MECOM: variants seen among roughly 807,000 people sequenced by gnomAD.
MECOM encodes the protein MDS1 and EVI1 complex locus.
Under a neutral mutation model 116.3 loss-of-function variants are expected in MECOM, and 13 were observed. The ratio of observed to expected loss-of-function variants is 0.11; its 90% confidence interval spans 0.07 to 0.18. The LOEUF (loss-of-function observed/expected upper bound fraction) is 0.18. MECOM is among the 10% of genes least tolerant of loss of function. The pLI is 1.00. For missense variants in MECOM, 1,299 were observed against 1,509.0 expected, an observed-to-expected ratio of 0.86 and a Z score of 2.31; for synonymous variants, 528 against 535.2, an observed-to-expected ratio of 0.99 and a Z score of 0.19.
Position 169,085,597 on chromosome 3 carries a change from C to A in MECOM, c.3586-554G>T, listed in dbSNP as rs1480206930. Among the ~76,000 whole-genome samples the A allele has an allele frequency of 2.6e-5, 4 of 152,280 alleles. No homozygotes were observed. In the East Asian group the frequency reaches 7.7e-4, roughly 29 times the overall value. On this transcript the variant is annotated intron_variant, in intron 16 of 16. Coordinates refer to ENST00000651503, the MANE Select transcript of MECOM (RefSeq NM_004991.4). ...TTCTGCCCAACTTTTAATCCATTGTCTTTTCTCCAATTTCCCTCCATGCTT... is the reference window on the plus strand; with the variant it reads ...TTCTGCCCAACTTTTAATCCATTGTATTTTCTCCAATTTCCCTCCATGCTT...
chr3:169,101,743 A>C (rs1723613958), intron 11 of MECOM, among the ~76,000 whole-genome samples: 1 of 152,224 alleles, frequency 6.6e-6, no homozygotes, highest in African/African-American at 2.4e-5. Flanking sequence ...GGACAGTAGT[A>C]GTATACCTTT....
chr3:169,534,407 C>A (rs1341452100), intron 1 of MECOM, among the ~76,000 whole-genome samples: 1 of 152,140 alleles, frequency 6.6e-6, no homozygotes, highest in Non-Finnish European at 1.5e-5. Context: ...TACTGATTTT[C>A]CCAGGACAGT....
In MECOM at chr3:169,092,949, C is replaced by T. The variant is rs1720245026; in HGVS notation, c.3164+9G>A. 1 of 1,613,140 alleles carries T rather than the reference C, an allele frequency of 6.2e-7. No homozygotes were observed. The highest frequency in any genetic ancestry group is 1.3e-5 in the African/African-American group (1 of 74,638). On this transcript the variant is annotated intron_variant, in intron 14 of 16. Coordinates refer to ENST00000651503, the MANE Select transcript of MECOM (RefSeq NM_004991.4). ...GTCACAGAGTTTAAAAAGTAAAAGA[C>T]AGCTTTACCTCTCCTCCACATTCCT...
rs34061227 is a variant in MECOM at position 169,563,064 on chromosome 3, CAAAAAAA to C, written c.37+100265_37+100271del. Among the ~76,000 whole-genome samples, 128 of 79,454 alleles carry C rather than the reference CAAAAAAA, an allele frequency of 1.6e-3. 1 individual carries two copies. Among genetic ancestry groups the C allele is most frequent in the African/African-American group, 5.1e-3 (105 of 20,520 alleles). The allele number at this position is 79,454 out of a possible 152,430, so 52.1% of individuals were successfully genotyped here. ...GGGTGACAAGAAAAAAGCTCCATCT[CAAAAAAA>C]AAAAAAAAAAAAATGCTGATAAGGA... On this transcript the variant is annotated intron_variant, in intron 1 of 16. Coordinates refer to ENST00000651503, the MANE Select transcript of MECOM (RefSeq NM_004991.4).
intron 2 of MECOM, among the ~76,000 whole-genome samples, chr3:169,232,438 A>C (rs553984210): frequency 9.9e-5 from 3 of 30,316 alleles, no homozygotes; most frequent in African/African-American, 5.0e-4. Flanking sequence ...ATCTTAAAAA[A>C]GAAAAAAAAA....
chr3:169,358,677 G>T (rs1034563), intron 2 of MECOM, among the ~76,000 whole-genome samples: 12 of 151,420 alleles, frequency 7.9e-5, no homozygotes, highest in Non-Finnish European at 1.6e-4. Flanking sequence ...GGGCCTCCTA[G>T]GGAGGAAGAA....
intron 2 of MECOM, among the ~76,000 whole-genome samples, chr3:169,358,671 C>T (rs1168824902): frequency 1.3e-5 from 2 of 151,588 alleles, no homozygotes; most frequent in Non-Finnish European, 3.0e-5. Flanking sequence ...GCTTAAGGGC[C>T]TCCTAGGGAG....
At position 169,283,150 on chromosome 3, in the gene MECOM, G is replaced by A. The variant is rs184170792; in HGVS notation, c.375+98037C>T. On this transcript the variant is annotated intron_variant, in intron 2 of 16. Coordinates refer to ENST00000651503, the MANE Select transcript of MECOM (RefSeq NM_004991.4). ...AGAATATAATAGATGTTCAGTAAAT[G>A]ATTACAGAATTTAGGGAGAAAGGGA... is the stretch of plus-strand genomic sequence containing the variant. 1.6e-3 allele frequency among the ~76,000 whole-genome samples: 244 copies of A among 152,230 alleles called. 2 individuals are homozygous for A. Among genetic ancestry groups the A allele is most frequent in the African/African-American group, 5.8e-3 (240 of 41,536 alleles).
intron 1 of MECOM, among the ~76,000 whole-genome samples, chr3:169,657,302 G>A (rs1462712897): frequency 6.6e-6 from 1 of 152,146 alleles, no homozygotes; most frequent in Non-Finnish European, 1.5e-5. Context: ...ATCCCTCTAG[G>A]TAACCCCTAC....
intron 1 of MECOM, among the ~76,000 whole-genome samples, chr3:169,408,152 T>C (rs1443280025): frequency 6.6e-6 from 1 of 152,188 alleles, no homozygotes; most frequent in Non-Finnish European, 1.5e-5. Flanking sequence ...ATCTTTGCTA[T>C]TGAACGAGGA....
At chr3:169,655,973 G>A (rs1172450982) in intron 1 of MECOM, among the ~76,000 whole-genome samples, 1 of 152,184 alleles carries the variant, frequency 6.6e-6, no homozygotes, top group Non-Finnish European at 1.5e-5. Flanking sequence ...GGCCTCAGAG[G>A]CATTCAATAA....
At chr3:169,342,110 A>G (rs1296122030) in intron 2 of MECOM, among the ~76,000 whole-genome samples, 3 of 152,128 alleles carry the variant, frequency 2.0e-5, no homozygotes, top group African/African-American at 7.2e-5. Flanking sequence ...TAATTTTTAA[A>G]TTATCTTAGT....
chr3:169,178,409 G>C (rs746735214), intron 2 of MECOM, among the ~76,000 whole-genome samples: 14 of 152,146 alleles, frequency 9.2e-5, no homozygotes, highest in Non-Finnish European at 1.8e-4. Context: ...CTCCCAAATA[G>C]AGCAGAGTCG....
chr3:169,367,239 T>A (rs960695301), intron 2 of MECOM, among the ~76,000 whole-genome samples: 61 of 152,050 alleles, frequency 4.0e-4, no homozygotes, highest in African/African-American at 1.4e-3. Context: ...ACTGAAAGAC[T>A]AAGAAAGTGA....
chr3:169,132,470 T>C (rs191984763), intron 3 of MECOM, among the ~76,000 whole-genome samples: 308 of 102,024 alleles, frequency 3.0e-3, no homozygotes, highest in African/African-American at 0.011. Flanking sequence ...TTATTCATTC[T>C]ACCATAAAAA....
intron 1 of MECOM, among the ~76,000 whole-genome samples, chr3:169,641,505 T>G (rs1773488343): frequency 6.6e-6 from 1 of 152,224 alleles, no homozygotes; most frequent in Non-Finnish European, 1.5e-5. Flanking sequence ...CAGTTTTTTA[T>G]TTTCCTTGCA....
rs1320976482 is a variant in MECOM at position 169,084,347 on chromosome 3, A to G, written c.*562T>C. The stretch of plus-strand genomic sequence containing the variant: ...TTTTAAACAATGTACTTAAGAAGGC[A>G]AAAGGGGGAACAAGTACTCCCTGTT... On this transcript the variant is annotated 3_prime_UTR_variant, in exon 17 of 17. Transcript: ENST00000651503. 1 of 231,296 alleles carries G rather than the reference A, an allele frequency of 4.3e-6. No individual in the cohort carries two copies. Among genetic ancestry groups the G allele is most frequent in the East Asian group, 6.2e-5 (1 of 16,212 alleles). The allele number at this position is 231,296 out of a possible 1,614,324, so 14.3% of individuals were successfully genotyped here.
At chr3:169,217,771 G>C (rs1011912283) in intron 2 of MECOM, among the ~76,000 whole-genome samples, 3 of 151,478 alleles carry the variant, frequency 2.0e-5, no homozygotes, top group Admixed American at 6.6e-5. Flanking sequence ...GCAACAGAGC[G>C]AGACTCCATC....
intron 2 of MECOM, among the ~76,000 whole-genome samples, chr3:169,323,880 GA>G (rs1223338351): frequency 1.3e-5 from 2 of 152,168 alleles, no homozygotes; most frequent in African/African-American, 4.8e-5. Flanking sequence ...AGACTTGGAG[GA>G]TGGACAAAAA....
Sources: gnomAD v4.1 joint callset for allele counts (sites outside exome capture counted in the v4.1 genomes callset) on GRCh38, gnomAD v4.1.1 for gene constraint, MANE v1.5 for transcripts, NCBI Gene and HGNC (gene_info 2026-07-23, HGNC 2026-07-21) for gene names.